SLC25A21: variants seen among roughly 807,000 people sequenced by gnomAD.
The protein encoded by SLC25A21 is mitochondrial 2-oxodicarboxylate carrier.
Under a neutral mutation model 43.8 loss-of-function variants are expected in SLC25A21, and 47 were observed. The observed-to-expected ratio is 1.07, with a 90% CI of 0.85 to 1.37. SLC25A21 has a LOEUF of 1.37. Among genes scored for constraint, SLC25A21 ranks in the 40% most tolerant of loss-of-function variants. SLC25A21 has a pLI of 0.00. For synonymous variants in SLC25A21, 131 were observed against 121.3 expected (o/e 1.08, Z -0.52); for missense variants, 352 against 350.2 (o/e 1.00, Z -0.04).
chr14:36,797,995 G>T (rs1390575781), intron 3 of SLC25A21, among the ~76,000 whole-genome samples: 1 of 152,074 alleles, frequency 6.6e-6, no homozygotes, highest in Non-Finnish European at 1.5e-5. Flanking sequence ...CAAACACACA[G>T]AAAAAGAAAT....
In SLC25A21 at chr14:36,680,588, G is replaced by A. The variant is rs17104988; in HGVS notation, c.*70C>T. 5.2e-3 allele frequency: 8,052 copies of A among 1,547,678 alleles called. 342 individuals carry two copies. The African/African-American group carries it at 0.092, about 18-fold the overall frequency. ...TAATTATACACCTGGCCGATCGATA[G>A]TCTCTCTTCTTCATGGTGCTGCATA... On this transcript the variant is annotated 3_prime_UTR_variant, in exon 10 of 10. Coordinates refer to ENST00000331299, the MANE Select transcript of SLC25A21 (RefSeq NM_030631.4).
At chr14:36,866,133 C>T (rs78690585) in intron 2 of SLC25A21, among the ~76,000 whole-genome samples, 16 of 152,126 alleles carry the variant, frequency 1.1e-4, no homozygotes, top group African/African-American at 2.9e-4. Flanking sequence ...GTATTTGACA[C>T]GGGGTTTCTT....
At chr14:36,725,755 T>G in intron 5 of SLC25A21, 78 bp from the exon 6 acceptor site, 1 of 852,742 alleles carries the variant, frequency 1.2e-6, no homozygotes, top group Admixed American at 2.4e-5. Flanking sequence ...CATTACACTA[T>G]GCAGCTGAAC....
intron 1 of SLC25A21, among the ~76,000 whole-genome samples, chr14:36,954,329 T>A (rs1326125465): frequency 1.3e-5 from 2 of 152,034 alleles, no homozygotes; most frequent in Non-Finnish European, 2.9e-5. Flanking sequence ...CCTAGAGAAG[T>A]CCTCCTTAGC....
At chr14:36,949,804 C>G (rs1216726638) in intron 1 of SLC25A21, among the ~76,000 whole-genome samples, 1 of 152,200 alleles carries the variant, frequency 6.6e-6, no homozygotes, top group Non-Finnish European at 1.5e-5. Context: ...TTTCTCAACT[C>G]TGAGACTTTT....
chr14:36,830,895 T>C (rs1889016703), intron 2 of SLC25A21, among the ~76,000 whole-genome samples: 1 of 152,094 alleles, frequency 6.6e-6, no homozygotes, highest in African/African-American at 2.4e-5. Flanking sequence ...ATGGCCCCAG[T>C]TTCCCCTCTC....
chr14:37,142,773 CCTGA>C (rs1268207537), intron 1 of SLC25A21, among the ~76,000 whole-genome samples: 1 of 152,170 alleles, frequency 6.6e-6, no homozygotes, highest in Non-Finnish European at 1.5e-5. Context: ...TTCTCCTTAG[CCTGA>C]CTGTCAGAAT....
chr14:37,087,996 T>C (rs933342379), intron 1 of SLC25A21, among the ~76,000 whole-genome samples: 3 of 152,210 alleles, frequency 2.0e-5, no homozygotes, highest in Non-Finnish European at 2.9e-5. Context: ...ATGTGCACTT[T>C]TGTGGGAAGG....
chr14:37,161,774 C>T (rs1249544305), intron 1 of SLC25A21, among the ~76,000 whole-genome samples: 1 of 151,740 alleles, frequency 6.6e-6, no homozygotes, highest in East Asian at 2.0e-4. Flanking sequence ...TGCTGGCTAA[C>T]ATGGTGAAAC....
At chr14:36,697,520 T>C (rs2139163336) in intron 7 of SLC25A21, among the ~76,000 whole-genome samples, 1 of 152,282 alleles carries the variant, frequency 6.6e-6, no homozygotes, top group Middle Eastern at 3.4e-3. Flanking sequence ...TGTTAAAGTC[T>C]CCCATTATTA....
intron 1 of SLC25A21, among the ~76,000 whole-genome samples, chr14:37,040,602 T>C (rs943178517): frequency 6.6e-6 from 1 of 151,554 alleles, no homozygotes. Flanking sequence ...TAAATAATAA[T>C]AAAAAATGAC....
chr14:36,802,642 C>T (rs905030423), intron 3 of SLC25A21, among the ~76,000 whole-genome samples: 1 of 152,166 alleles, frequency 6.6e-6, no homozygotes, highest in African/African-American at 2.4e-5. Flanking sequence ...GAACAAAGTG[C>T]TATAAGAGAA....
intron 1 of SLC25A21, among the ~76,000 whole-genome samples, chr14:37,024,856 G>GA (rs1014093871): frequency 6.6e-6 from 1 of 151,848 alleles, no homozygotes; most frequent in African/African-American, 2.4e-5. Context: ...CAGAAATGGA[G>GA]AAAAAAAGGT....
At position 37,160,015 on chromosome 14, in the gene SLC25A21, A is replaced by C. The variant is rs140874311; in HGVS notation, c.70+12266T>G. ...AAATGCAAATCAAAACCACAATGAGATATCATCTCTACCCAGTTAGAATGG... is the reference window on the plus strand; with the variant it reads ...AAATGCAAATCAAAACCACAATGAGCTATCATCTCTACCCAGTTAGAATGG... On this transcript the variant is annotated intron_variant, in intron 1 of 9. Coordinates refer to ENST00000331299, the MANE Select transcript of SLC25A21 (RefSeq NM_030631.4). Among the ~76,000 whole-genome samples, 22 of 152,332 alleles carry C rather than the reference A, an allele frequency of 1.4e-4. No individual in the cohort carries two copies. In the East Asian group the frequency reaches 3.9e-3, roughly 27 times the overall value.
intron 1 of SLC25A21, among the ~76,000 whole-genome samples, chr14:37,155,737 G>A (rs1963836727): frequency 6.6e-6 from 1 of 152,084 alleles, no homozygotes; most frequent in Non-Finnish European, 1.5e-5. Context: ...CTAAATGAAG[G>A]AGAAATAAAG....
intron 1 of SLC25A21, among the ~76,000 whole-genome samples, chr14:37,131,980 A>G (rs1963398919): frequency 6.6e-6 from 1 of 152,148 alleles, no homozygotes; most frequent in Admixed American, 6.5e-5. Flanking sequence ...GCCCACGGGG[A>G]GTAATTTATA....
intron 3 of SLC25A21, among the ~76,000 whole-genome samples, chr14:36,744,648 T>C (rs1885418201): frequency 2.6e-5 from 1 of 38,492 alleles, no homozygotes; most frequent in African/African-American, 2.6e-4. Flanking sequence ...AAACCAAAAA[T>C]AGACAAATGG....
intron 5 of SLC25A21, 109 bp from the exon 6 acceptor site, chr14:36,725,786 A>G: frequency 2.0e-6 from 1 of 511,698 alleles, no homozygotes; most frequent in Non-Finnish European, 3.2e-6. Flanking sequence ...GAATGGAGAA[A>G]CCTACATAAA....
chr14:36,853,344 C>G (rs934026182), intron 2 of SLC25A21, among the ~76,000 whole-genome samples: 3 of 152,218 alleles, frequency 2.0e-5, no homozygotes, highest in Non-Finnish European at 2.9e-5. Flanking sequence ...CATCATAACA[C>G]TACACTACTG....
Sources: allele counts gnomAD v4.1 joint callset (sites outside exome capture counted in the v4.1 genomes callset), GRCh38; gene constraint gnomAD v4.1.1; transcripts MANE v1.5; gene names NCBI Gene and HGNC (gene_info 2026-07-23, HGNC 2026-07-21).